Variants in MYO1A observed in about 807,000 individuals in gnomAD.
MYO1A encodes unconventional myosin-Ia.
Under a neutral mutation model 138.5 loss-of-function variants are expected in MYO1A, and 127 were observed. The observed-to-expected ratio is 0.92, with a 90% CI of 0.79 to 1.06. MYO1A has a LOEUF of 1.06. Ranked by LOEUF, MYO1A falls within the 50% of genes least tolerant of loss-of-function variation. MYO1A has a pLI of 0.00. For synonymous variants in MYO1A, 477 were observed against 497.5 expected, an observed-to-expected ratio of 0.96 and a Z score of 0.55; for missense variants, 1,211 against 1,288.8, an observed-to-expected ratio of 0.94 and a Z score of 0.92.
intron 23 of MYO1A, among the ~76,000 whole-genome samples, chr12:57,030,684 T>C (rs1250809126): frequency 6.6e-6 from 1 of 152,174 alleles, no homozygotes; most frequent in East Asian, 1.9e-4. Flanking sequence ...TTCCCACTTA[T>C]ATGAGGCACT....
rs752029144 is a variant in MYO1A, at chr12:57,048,120, A to C, written c.115-16T>G. 5.0e-6 allele frequency: 8 copies of C among 1,610,966 alleles called. No individual in the cohort carries two copies. The highest frequency in any genetic ancestry group is 2.2e-5 in the South Asian group (2 of 91,014). ...CAATGTAGGTCTGGAGCCAGGAAGA[A>C]GGTGAAGGGAATGAGCTTGAGGGTG... On this transcript the variant is annotated splice_polypyrimidine_tract_variant and intron_variant, in intron 2 of 27. Transcript: ENST00000300119.
chr12:57,042,268 T>C (rs117599659), intron 12 of MYO1A, among the ~76,000 whole-genome samples: 2,284 of 152,338 alleles, frequency 0.015, 26 homozygotes, highest in South Asian at 0.024. Context: ...CTTCTTTCAC[T>C]CAGCATAATG....
At chr12:57,039,314 A>G (rs2030751151) in intron 14 of MYO1A, 40 bp from the exon 15 acceptor site, 4 of 1,532,132 alleles carry the variant, frequency 2.6e-6, no homozygotes, top group Non-Finnish European at 3.6e-6. Context: ...AACACGTCCA[A>G]GACAAGCCTC....
In MYO1A at chr12:57,047,295, A is replaced by T. The variant is rs979722611; in HGVS notation, c.430+8T>A. 3.1e-6 allele frequency: 5 copies of T among 1,612,140 alleles called. No homozygotes were observed. In the African/African-American group the frequency reaches 5.3e-5, roughly 17 times the overall value. The stretch of plus-strand genomic sequence containing the variant: ...GAGGGTGGAGAGGGCAGAGAGCAGA[A>T]TTCTCACCCTCCAGCACTGGGTTAG... On this transcript the variant is annotated splice_region_variant and intron_variant, in intron 5 of 27. Coordinates refer to ENST00000300119, the MANE Select transcript of MYO1A (RefSeq NM_005379.4).
At chr12:57,029,653 C>T (rs1363803139) in intron 25 of MYO1A, 66 bp from the exon 26 acceptor site, 31 of 1,613,548 alleles carry the variant, frequency 1.9e-5, no homozygotes, top group South Asian at 6.6e-5. Flanking sequence ...CCTGGCAGGG[C>T]GCAAACACAG....
At chr12:57,043,737 G>C in intron 10 of MYO1A, 119 bp downstream of exon 10, 14 of 1,328,030 alleles carry the variant, frequency 1.1e-5, no homozygotes, top group Non-Finnish European at 1.5e-5. Context: ...GAACTCAGGA[G>C]TGGGCTGAGT....
chr12:57,033,724 T>TA, intron 22 of MYO1A, among the ~76,000 whole-genome samples: 1 of 152,200 alleles, frequency 6.6e-6, no homozygotes, highest in South Asian at 2.1e-4. Flanking sequence ...ACTGAAGATA[T>TA]AAAAAATGAC....
chr12:57,043,719 T>G, intron 10 of MYO1A, 137 bp downstream of exon 10: 2 of 1,128,396 alleles, frequency 1.8e-6, no homozygotes, highest in Non-Finnish European at 1.3e-6. Context: ...GTGAGTCTGT[T>G]TAGGGGAGAA....
At chr12:57,029,281 C>A (rs202227085) in intron 26 of MYO1A, 22 bp from the exon 27 acceptor site, 9 of 1,613,890 alleles carry the variant, frequency 5.6e-6, no homozygotes, top group East Asian at 2.2e-5. Flanking sequence ...GGAAAAATAG[C>A]AGGAAAGGGA....
intron 8 of MYO1A, among the ~76,000 whole-genome samples, chr12:57,044,808 G>T (rs1200403443): frequency 6.6e-6 from 1 of 152,144 alleles, no homozygotes; most frequent in Non-Finnish European, 1.5e-5. Context: ...TACCCTCAGG[G>T]TTCTAAACAA....
chr12:57,039,867 G>A (rs999771599), intron 14 of MYO1A, among the ~76,000 whole-genome samples: 1 of 152,218 alleles, frequency 6.6e-6, no homozygotes, highest in African/African-American at 2.4e-5. Flanking sequence ...GTTTCCAGGT[G>A]ATTTTGATAC....
chr12:57,040,158 A>C (rs1229635390), intron 14 of MYO1A, among the ~76,000 whole-genome samples: 1 of 152,174 alleles, frequency 6.6e-6, no homozygotes, highest in Non-Finnish European at 1.5e-5. Context: ...AAATTAAATT[A>C]AGTTGCCTCC....
At chr12:57,030,913 T>C in intron 23 of MYO1A, 127 bp downstream of exon 23, 1 of 1,140,114 alleles carries the variant, frequency 8.8e-7, no homozygotes, top group Non-Finnish European at 1.2e-6. Flanking sequence ...TGGTAGATTG[T>C]ATGTTATGTA....
At chr12:57,032,373 A>G (rs557631846) in intron 22 of MYO1A, among the ~76,000 whole-genome samples, 1 of 152,208 alleles carries the variant, frequency 6.6e-6, no homozygotes, top group Non-Finnish European at 1.5e-5. Context: ...CTGGACTTAC[A>G]TTCTACTGTA....
chr12:57,038,652 G>C lies in MYO1A; in HGVS notation c.1534-14C>G. 1 of 1,613,822 alleles carries C rather than the reference G, an allele frequency of 6.2e-7. No homozygotes were observed. Among genetic ancestry groups the C allele is most frequent in the Non-Finnish European group, 8.5e-7 (1 of 1,179,664 alleles). Reference sequence around the variant, plus strand: ...GTTGTATGTCACCTGTAAAGGAGCAGCTATTGGTTTGGAGACCCCACAACC... The same window carrying C: ...GTTGTATGTCACCTGTAAAGGAGCACCTATTGGTTTGGAGACCCCACAACC... On this transcript the variant is annotated splice_polypyrimidine_tract_variant and intron_variant, in intron 16 of 27. Transcript: ENST00000300119.
At position 57,030,207 on chromosome 12, in the gene MYO1A, C is replaced by A. The variant is rs938747344; in HGVS notation, c.2591+3G>T. The A allele has an allele frequency of 1.9e-6, 3 of 1,613,274 alleles. No individual in the cohort carries two copies. The African/African-American group carries it at 4.0e-5, about 22-fold the overall frequency. ...GGCTGTGCAGGGTCTGGGAGGCCCT[C>A]ACCTCTGGGGATATGAAGCCTTCTT... is the stretch of plus-strand genomic sequence containing the variant. On this transcript the variant is annotated splice_donor_region_variant and intron_variant, in intron 24 of 27. Coordinates refer to ENST00000300119, the MANE Select transcript of MYO1A (RefSeq NM_005379.4).
chr12:57,030,799 T>C (rs2030239622), intron 23 of MYO1A, among the ~76,000 whole-genome samples: 1 of 151,992 alleles, frequency 6.6e-6, no homozygotes, highest in Admixed American at 6.6e-5. Context: ...GAGTTTCAGT[T>C]TGGGGTGATG....
At position 57,041,466 on chromosome 12, in the gene MYO1A, C is replaced by T. The variant is rs760476148; in HGVS notation, c.1130G>A (p.Gly377Glu). ...CTCAAAACCGTAGATATCAAGGACTCCCATTACCTTCTTCTTTTCCCCGAT... is the reference window on the plus strand; with the variant it reads ...CTCAAAACCGTAGATATCAAGGACTTCCATTACCTTCTTCTTTTCCCCGAT... ...VGIGEKKKVM[G>E]VLDIYGFEIL... The change falls in exon 13 of 28, where the codon GGA (glycine) becomes GAA (glutamate). Residue 377 changes from glycine (G) to glutamate (E), a missense_variant. Transcript: ENST00000300119. The T allele has an allele frequency of 1.2e-6, 2 of 1,613,842 alleles. No homozygotes were observed. Among genetic ancestry groups the T allele is most frequent in the African/African-American group, 1.3e-5 (1 of 75,014 alleles).
rs375535275 is a variant in MYO1A at position 57,038,568 on chromosome 12, A to G, written c.1604T>C (p.Met535Thr). 14 of 1,614,072 alleles carry G rather than the reference A, an allele frequency of 8.7e-6. No homozygotes were observed. In the African/African-American group the frequency reaches 1.2e-4, roughly 14 times the overall value. ...DLLFRDLLQAMWKAQHPLLRS... is the reference protein window; with the variant it reads ...DLLFRDLLQATWKAQHPLLRS... ...AAGGAGGGGGTGCTGGGCCTTCCAC[A>G]TGGCCTGCAACAGGTCTCGGAAGAG... The change falls in exon 17 of 28, where the codon ATG becomes ACG. Residue 535 changes from methionine to threonine, a missense_variant. Transcript: ENST00000300119.
Sources: allele counts gnomAD v4.1 joint callset (sites outside exome capture counted in the v4.1 genomes callset), GRCh38; gene constraint gnomAD v4.1.1; transcripts MANE v1.5; gene names NCBI Gene and HGNC (gene_info 2026-07-23, HGNC 2026-07-21).